The following GLG1 variants were observed in gnomAD, a reference collection of about 807,000 sequenced individuals.
The protein encoded by GLG1 is Golgi apparatus protein 1.
In GLG1, 38 loss-of-function variants were observed where a neutral mutation model predicts 160.5. The ratio of observed to expected loss-of-function variants is 0.24; its 90% CI spans 0.18 to 0.31. The LOEUF is 0.31. Among genes scored for constraint, GLG1 ranks in the 10% least tolerant of loss-of-function variants. GLG1 has a pLI of 1.00. For synonymous variants in GLG1, 644 were observed against 543.4 expected, an observed-to-expected ratio of 1.19 and a Z score of -2.57; for missense variants, 1,373 against 1,505.2, an observed-to-expected ratio of 0.91 and a Z score of 1.45.
intron 2 of GLG1, among the ~76,000 whole-genome samples, chr16:74,518,196 C>G (rs558812726): frequency 6.6e-6 from 1 of 152,128 alleles, no homozygotes; most frequent in Non-Finnish European, 1.5e-5. Flanking sequence ...TTGGTAAAAA[C>G]GACTTTAAAC....
intron 1 of GLG1, among the ~76,000 whole-genome samples, chr16:74,593,169 T>C (rs917695093): frequency 6.6e-6 from 1 of 152,152 alleles, no homozygotes; most frequent in Admixed American, 6.6e-5. Flanking sequence ...CCTTTATATA[T>C]TACCCAGTCT....
At chr16:74,543,329 C>G (rs1396104893) in intron 1 of GLG1, among the ~76,000 whole-genome samples, 1 of 152,168 alleles carries the variant, frequency 6.6e-6, no homozygotes, top group Non-Finnish European at 1.5e-5. Context: ...AGGCCAGGCT[C>G]AGTGGCACAT....
chr16:74,460,689 T>C (rs370207179), intron 22 of GLG1, among the ~76,000 whole-genome samples: 56 of 152,282 alleles, frequency 3.7e-4, no homozygotes, highest in African/African-American at 1.2e-3. Context: ...TCCTCCTATA[T>C]TGGATGCCAG....
chr16:74,571,067 C>T (rs2018813196), intron 1 of GLG1, among the ~76,000 whole-genome samples: 1 of 151,888 alleles, frequency 6.6e-6, no homozygotes, highest in Non-Finnish European at 1.5e-5. Context: ...CATCAGAGGA[C>T]TGAAAAGTGC....
chr16:74,567,780 G>A (rs2143766936), intron 1 of GLG1, among the ~76,000 whole-genome samples: 1 of 151,540 alleles, frequency 6.6e-6, no homozygotes, highest in African/African-American at 2.4e-5. Flanking sequence ...TTGTTAGCCA[G>A]GATGGTCTCG....
rs77470941 is a variant in GLG1, at chr16:74,509,942, C to G, written c.472-1017G>C. On this transcript the variant is annotated intron_variant, in intron 2 of 25. Transcript: ENST00000422840. ...CCTCAAGCAATTCCCCTGCCTTGGC[C>G]TCCCAAAGTGCTGGGATTACAAGTG... is the stretch of plus-strand genomic sequence containing the variant. Among the ~76,000 whole-genome samples, 698 of 151,964 alleles carry G rather than the reference C, an allele frequency of 4.6e-3. 38 individuals are homozygous for G. In the East Asian group the frequency reaches 0.12, roughly 27 times the overall value.
rs16945261 is a variant in GLG1 at position 74,452,267 on chromosome 16, G to A, written c.*900C>T. 3,505 of 1,484,246 alleles carry A rather than the reference G, an allele frequency of 2.4e-3. 81 individuals are homozygous for A. In the African/African-American group the frequency reaches 0.044, roughly 18 times the overall value. The allele number at this position is 1,484,246 out of a possible 1,614,324, so 91.9% of individuals were successfully genotyped here. The stretch of plus-strand genomic sequence containing the variant: ...GCGCAGAGCTTCCAGAGTGACTGTA[G>A]CCTCAGCAGGGCCGGTCCAGACATG... On this transcript the variant is annotated 3_prime_UTR_variant, in exon 26 of 26. Transcript: ENST00000422840.
chr16:74,498,509 T>C lies in GLG1; in HGVS notation c.775-1865A>G, dbSNP rs538219693. Among the ~76,000 whole-genome samples, 500 of 134,894 alleles carry C rather than the reference T, an allele frequency of 3.7e-3. 2 individuals are homozygous for C. Among genetic ancestry groups the C allele is most frequent in the African/African-American group, 0.014 (489 of 36,210 alleles). The allele number at this position is 134,894 out of a possible 152,430, so 88.5% of individuals were successfully genotyped here. A position where few individuals can be genotyped will look rare whatever the true frequency, so the allele number is the denominator to read the frequency against. The stretch of plus-strand genomic sequence containing the variant: ...ATTTTATATATAGTGCTATCATTTA[T>C]ACACACGCAATTAAAATCTTGTTAT... On this transcript the variant is annotated intron_variant, in intron 4 of 25. Transcript: ENST00000422840.
intron 18 of GLG1, among the ~76,000 whole-genome samples, chr16:74,466,735 T>C (rs749598620): frequency 4.0e-5 from 6 of 151,784 alleles, no homozygotes; most frequent in Non-Finnish European, 1.5e-5. Flanking sequence ...AGCTAGGAAA[T>C]GAAAAACAAA....
intron 1 of GLG1, among the ~76,000 whole-genome samples, chr16:74,556,370 A>C (rs2018353864): frequency 6.6e-6 from 1 of 152,158 alleles, no homozygotes. Context: ...AAGTTCTTTG[A>C]CTAGGAAAAA....
Position 74,470,030 on chromosome 16 carries a change from G to T in GLG1, c.2273C>A (p.Ala758Asp). Residue 758 changes from alanine (A) to aspartate (D), a missense_variant, in exon 16 of 26, where the codon GCC becomes GAC. By Grantham distance (126) the Ala-to-Asp change is moderately radical (BLOSUM62 -2). This residue lies in a region of GLG1 where 491 missense variants were observed against 632.1 expected (regional missense o/e 0.78). Transcript: ENST00000422840. ...AAGCTTCAACACGTCCTCCTTGCAG[G>T]CCATTTTAAACTTGTAAGAAAACCG... ...DFRFSYKFKM[A>D]CKEDVLKLCP... 6.2e-7 allele frequency: 1 copy of T among 1,609,916 alleles called. No homozygotes were observed. Among genetic ancestry groups the T allele is most frequent in the Non-Finnish European group, 8.5e-7 (1 of 1,176,250 alleles).
At chr16:74,561,581 T>TAA (rs2018515490) in intron 1 of GLG1, among the ~76,000 whole-genome samples, 1 of 152,078 alleles carries the variant, frequency 6.6e-6, no homozygotes, top group Non-Finnish European at 1.5e-5. Flanking sequence ...CTAAGAAAAA[T>TAA]ACTCTGCCAG....
At chr16:74,483,148 G>A in intron 9 of GLG1, 24 bp from the exon 10 acceptor site, 1 of 1,350,014 alleles carries the variant, frequency 7.4e-7, no homozygotes, top group Non-Finnish European at 1.1e-6. Flanking sequence ...GTGTAAAATT[G>A]TAACAAGAGA....
intron 1 of GLG1, among the ~76,000 whole-genome samples, chr16:74,600,731 C>CAAAAA (rs56122377): frequency 4.4e-5 from 5 of 112,600 alleles, no homozygotes; most frequent in Non-Finnish European, 5.4e-5. Flanking sequence ...GATTCCACCT[C>CAAAAA]AAAAAAAAAA....
chr16:74,490,940 G>C, intron 8 of GLG1, 61 bp downstream of exon 8: 4 of 1,175,796 alleles, frequency 3.4e-6, no homozygotes, highest in Non-Finnish European at 5.1e-6. Context: ...GACAGCATCA[G>C]GAAGAGGCTC....
In GLG1 at chr16:74,467,834, G is replaced by A. The variant is rs758586941; in HGVS notation, c.2451C>T (p.Arg817=). 1.9e-6 allele frequency: 3 copies of A among 1,611,966 alleles called. No homozygotes were observed. In the African/African-American group the frequency reaches 4.0e-5, roughly 22 times the overall value. ...VEELEMTEDI[R]LEPDLYEACK... is the part of the protein sequence containing the mutation. ...AGGCTTCGTATAGATCTGGCTCCAAGCGGATGTCCTCCGTCTGCATGAGGG... is the reference window on the plus strand; with the variant it reads ...AGGCTTCGTATAGATCTGGCTCCAAACGGATGTCCTCCGTCTGCATGAGGG... The change falls in exon 18 of 26, where the codon CGC becomes CGT. Residue 817 remains arginine (R), a synonymous_variant. Coordinates refer to ENST00000422840, the MANE Select transcript of GLG1 (RefSeq NM_001145667.2).
chr16:74,505,383 A>C (rs1797899908), intron 3 of GLG1, among the ~76,000 whole-genome samples: 1 of 152,230 alleles, frequency 6.6e-6, no homozygotes, highest in African/African-American at 2.4e-5. Context: ...AAGATGAATG[A>C]AATTCTTTCA....
At chr16:74,509,968 C>T (rs1294047893) in intron 2 of GLG1, among the ~76,000 whole-genome samples, 7 of 150,730 alleles carry the variant, frequency 4.6e-5, no homozygotes, top group African/African-American at 1.7e-4. Context: ...ATTACAAGTG[C>T]GAGCCAGCAT....
intron 8 of GLG1, 77 bp from the exon 9 acceptor site, chr16:74,485,994 G>A: frequency 1.8e-6 from 2 of 1,136,990 alleles, no homozygotes; most frequent in South Asian, 2.8e-5. Context: ...CATACATTCA[G>A]TTGCTCAGTC....
Sources: gnomAD v4.1 joint callset for allele counts (sites outside exome capture counted in the v4.1 genomes callset) on GRCh38, gnomAD v4.1.1 for gene constraint, gnomAD v4.1.1 regional missense constraint, MANE v1.5 for transcripts, NCBI Gene and HGNC (gene_info 2026-07-23, HGNC 2026-07-21) for gene names.